BRINP3: variants seen among roughly 807,000 people sequenced by gnomAD.
BRINP3 encodes the protein BMP/retinoic acid-inducible neural-specific protein 3.
In BRINP3, 19 loss-of-function variants were observed where a neutral mutation model predicts 71.0. The observed-to-expected ratio is 0.27, with a 90% CI of 0.19 to 0.39. The LOEUF is 0.39. Ranked by LOEUF, BRINP3 falls within the 10% of genes least tolerant of loss-of-function variation. The pLI is 1.00. For missense variants in BRINP3, 959 were observed against 940.8 expected, an observed-to-expected ratio of 1.02 and a Z score of -0.25; for synonymous variants, 380 against 337.7, an observed-to-expected ratio of 1.13 and a Z score of -1.37.
Position 190,162,306 on chromosome 1 carries a change from C to G in BRINP3, c.962-1416G>C, listed in dbSNP as rs532290387. Among the ~76,000 whole-genome samples the G allele has an allele frequency of 1.3e-4, 20 of 151,838 alleles. 1 individual carries two copies. The South Asian group carries it at 3.5e-3, about 27-fold the overall frequency. ...CCAAGCAATTCTCCTGCCTCAGCCT[C>G]CCGAGTAGCTGTGATTACAGTGCGT... On this transcript the variant is annotated intron_variant, in intron 6 of 7. Transcript: ENST00000367462.
chr1:190,150,255 T>C (rs894854710), intron 7 of BRINP3, among the ~76,000 whole-genome samples: 1 of 135,094 alleles, frequency 7.4e-6, no homozygotes, highest in Non-Finnish European at 1.5e-5. Flanking sequence ...TTGGTATATA[T>C]GTGCATATCT....
chr1:190,362,650 A>C (rs1669224490), intron 2 of BRINP3, among the ~76,000 whole-genome samples: 1 of 152,120 alleles, frequency 6.6e-6, no homozygotes, highest in African/African-American at 2.4e-5. Context: ...GTGGGAGATA[A>C]TTAAGTCATG....
At chr1:190,133,181 A>G (rs1232445615) in intron 7 of BRINP3, among the ~76,000 whole-genome samples, 1 of 152,156 alleles carries the variant, frequency 6.6e-6, no homozygotes, top group Non-Finnish European at 1.5e-5. Flanking sequence ...AGCCATAGAT[A>G]ACTAGCATTT....
rs145633698 is a variant in BRINP3, at chr1:190,287,955, A to G, written c.237-6205T>C. ...TTTTATGCAAACTAAGAGAAATACA[A>G]CACAAATGCAGGTATATATGATAAT... On this transcript the variant is annotated intron_variant, in intron 2 of 7. Coordinates refer to ENST00000367462, the MANE Select transcript of BRINP3 (RefSeq NM_199051.3). Among the ~76,000 whole-genome samples, 594 of 152,238 alleles carry G rather than the reference A, an allele frequency of 3.9e-3. 6 individuals carry two copies. Among genetic ancestry groups the G allele is most frequent in the Non-Finnish European group, 7.0e-3 (477 of 67,998 alleles).
chr1:190,148,596 A>AAAATAAATAAATAAATAAAT (rs71123073), intron 7 of BRINP3, among the ~76,000 whole-genome samples: 1 of 134,928 alleles, frequency 7.4e-6, no homozygotes, highest in Admixed American at 7.6e-5. Flanking sequence ...ACTCTGTCAC[A>AAAATAAATAAATAAATAAAT]AAATAAATAA....
At chr1:190,238,540 C>T (rs1240306272) in intron 4 of BRINP3, among the ~76,000 whole-genome samples, 1 of 152,016 alleles carries the variant, frequency 6.6e-6, no homozygotes, top group Non-Finnish European at 1.5e-5. Flanking sequence ...AAATAGTTTT[C>T]AACTTTATTA....
chr1:190,219,846 AAAT>A (rs200041522), intron 6 of BRINP3, among the ~76,000 whole-genome samples: 2,266 of 150,774 alleles, frequency 0.015, 73 homozygotes, highest in African/African-American at 0.051. Context: ...AAAAAAATTA[AAAT>A]AATAATAATA....
At chr1:190,275,045 T>A (rs1333844994) in intron 3 of BRINP3, among the ~76,000 whole-genome samples, 2 of 151,550 alleles carry the variant, frequency 1.3e-5, no homozygotes, top group Non-Finnish European at 3.0e-5. Flanking sequence ...CTTATGATTA[T>A]TAAGAGTTAC....
intron 6 of BRINP3, among the ~76,000 whole-genome samples, chr1:190,210,041 TA>T (rs1655851954): frequency 6.6e-6 from 1 of 152,094 alleles, no homozygotes; most frequent in Admixed American, 6.6e-5. Context: ...ATACACAAAC[TA>T]CTGGGTATAC....
At chr1:190,327,227 C>T (rs1160705386) in intron 2 of BRINP3, among the ~76,000 whole-genome samples, 11 of 146,112 alleles carry the variant, frequency 7.5e-5, no homozygotes, top group African/African-American at 2.8e-4. Flanking sequence ...AGGTAGGAGA[C>T]TCACTTGAAC....
intron 7 of BRINP3, among the ~76,000 whole-genome samples, chr1:190,149,563 C>T (rs976062943): frequency 6.6e-6 from 1 of 150,960 alleles, no homozygotes; most frequent in Non-Finnish European, 1.5e-5. Context: ...GGAGCATGTA[C>T]GTTTTTGTAT....
intron 2 of BRINP3, among the ~76,000 whole-genome samples, chr1:190,408,390 G>T (rs751152947): frequency 6.6e-6 from 1 of 151,668 alleles, no homozygotes; most frequent in African/African-American, 2.4e-5. Flanking sequence ...CAATCACATT[G>T]GATTTAAATT....
intron 2 of BRINP3, among the ~76,000 whole-genome samples, chr1:190,422,746 A>C (rs567965035): frequency 8.6e-5 from 13 of 151,920 alleles, no homozygotes; most frequent in African/African-American, 2.9e-4. Context: ...TAAAGTCTAA[A>C]CCTCATTCGA....
chr1:190,328,106 T>A (rs929592718), intron 2 of BRINP3, among the ~76,000 whole-genome samples: 1 of 152,010 alleles, frequency 6.6e-6, no homozygotes, highest in Admixed American at 6.6e-5. Context: ...ATCAAAAAGT[T>A]AGAGAGATCT....
chr1:190,193,355 A>G (rs951436119), intron 6 of BRINP3, among the ~76,000 whole-genome samples: 5 of 152,122 alleles, frequency 3.3e-5, no homozygotes, highest in Admixed American at 2.0e-4. Flanking sequence ...TTTGTGAAAG[A>G]TAAAGAAACT....
At chr1:190,192,603 A>C (rs1041516907) in intron 6 of BRINP3, among the ~76,000 whole-genome samples, 3 of 152,060 alleles carry the variant, frequency 2.0e-5, no homozygotes, top group Non-Finnish European at 4.4e-5. Context: ...GAAAACTTTC[A>C]GTAAAGATAA....
rs752936285 is a variant in BRINP3 at position 190,454,912 on chromosome 1, C to G, written c.-22G>C. The G allele has an allele frequency of 6.3e-7, 1 of 1,590,254 alleles. No homozygotes were observed. The highest frequency in any genetic ancestry group is 1.3e-5 in the African/African-American group (1 of 74,402). On this transcript the variant is annotated 5_prime_UTR_variant, in exon 2 of 8. Coordinates refer to ENST00000367462, the MANE Select transcript of BRINP3 (RefSeq NM_199051.3). ...TCATGCTTCCACTGGGGATTTAGAG[C>G]CTTCATTCTCTCAGCTTTCCCTCAA...
chr1:190,365,682 T>C (rs1051110989), intron 2 of BRINP3, among the ~76,000 whole-genome samples: 3 of 146,080 alleles, frequency 2.1e-5, no homozygotes, highest in Admixed American at 6.9e-5. Flanking sequence ...TATAATACAA[T>C]ATAATACACA....
intron 1 of BRINP3, among the ~76,000 whole-genome samples, chr1:190,473,580 G>C (rs1290952497): frequency 7.0e-6 from 1 of 143,540 alleles, no homozygotes; most frequent in Non-Finnish European, 1.5e-5. Flanking sequence ...GAAAGTCCAG[G>C]CTCCTTCAAC....
Sources: allele counts gnomAD v4.1 joint callset (sites outside exome capture counted in the v4.1 genomes callset), GRCh38; gene constraint gnomAD v4.1.1; transcripts MANE v1.5; gene names NCBI Gene and HGNC (gene_info 2026-07-23, HGNC 2026-07-21).